Variants in PLG observed in about 807,000 individuals in gnomAD.
PLG encodes the protein plasminogen, also known as plasmin.
A neutral mutation model predicts 104.4 loss-of-function variants in PLG; 41 were observed. The ratio of observed to expected loss-of-function variants is 0.39; its 90% confidence interval spans 0.31 to 0.51. The LOEUF is 0.51. Ranked by LOEUF, PLG falls within the 20% of genes least tolerant of loss-of-function variation. The probability of loss-of-function intolerance (pLI) is 0.76; values close to 1 mark genes in which losing one functional copy is unlikely to be tolerated. For synonymous variants in PLG, 337 were observed against 357.1 expected (o/e 0.94, Z 0.63); for missense variants, 891 against 1,003.6 (o/e 0.89, Z 1.52).
chr6:160,733,399 G>GGGA (rs1778032083), intron 12 of PLG, among the ~76,000 whole-genome samples: 1 of 152,158 alleles, frequency 6.6e-6, no homozygotes, highest in Non-Finnish European at 1.5e-5. Flanking sequence ...GGCTCCTGAA[G>GGGA]GGAGACCCAT....
rs1343377750 is a variant in PLG at position 160,732,932 on chromosome 6, T to A, written c.1587+1039T>A. Among the ~76,000 whole-genome samples the A allele has an allele frequency of 6.6e-6, 1 of 152,124 alleles. No homozygotes were observed. Among genetic ancestry groups the A allele is most frequent in the Non-Finnish European group, 1.5e-5 (1 of 68,016 alleles). On this transcript the variant is annotated intron_variant, in intron 12 of 18. Coordinates refer to ENST00000308192, the MANE Select transcript of PLG (RefSeq NM_000301.5). This position sits in a 1 kb window ranked among gnomAD's most constrained non-coding sequence, Gnocchi z 4.5. Reference sequence around the variant, plus strand: ...CACAGTTGAATACATCGTTGGCCATTGGAGACCAGCTCACCTTCAGCTCCT... The same window carrying A: ...CACAGTTGAATACATCGTTGGCCATAGGAGACCAGCTCACCTTCAGCTCCT...
At chr6:160,750,702 G>A (rs561044627) in intron 17 of PLG, among the ~76,000 whole-genome samples, 15 of 152,286 alleles carry the variant, frequency 9.8e-5, no homozygotes, top group Non-Finnish European at 1.6e-4. Flanking sequence ...TTCTGAACCC[G>A]AGACAATGAT....
intron 9 of PLG, among the ~76,000 whole-genome samples, 169 bp from the exon 10 acceptor site, chr6:160,722,239 T>C (rs186812686): frequency 6.6e-6 from 1 of 152,344 alleles, no homozygotes; most frequent in African/African-American, 2.4e-5. Context: ...AGGAACTTAT[T>C]AATGTTCTAA....
chr6:160,722,588 G>GT (rs1582940133), intron 10 of PLG, 21 bp downstream of exon 10: 1 of 1,608,954 alleles, frequency 6.2e-7, no homozygotes, highest in African/African-American at 1.3e-5. Flanking sequence ...GATTTTTACT[G>GT]TAAGAGGGGC....
At position 160,718,857 on chromosome 6, in the gene PLG, G is replaced by C. The variant is rs773624784; in HGVS notation, c.1096+19G>C. 7 of 1,610,752 alleles carry C rather than the reference G, an allele frequency of 4.3e-6. No individual in the cohort carries two copies. The African/African-American group carries it at 9.4e-5, about 22-fold the overall frequency. The stretch of plus-strand genomic sequence containing the variant: ...CCCACAGGTAAGCAAGGGTATGGGA[G>C]CTTACTGAGGGCCCAAGTTTTCTCC... On this transcript the variant is annotated intron_variant, in intron 9 of 18. Transcript: ENST00000308192.
At chr6:160,709,832 A>G (rs1429409986) in intron 3 of PLG, among the ~76,000 whole-genome samples, 1 of 152,238 alleles carries the variant, frequency 6.6e-6, no homozygotes, top group Admixed American at 6.5e-5. Flanking sequence ...TGTTAGGAGC[A>G]CTTTCCCCAT....
intron 17 of PLG, among the ~76,000 whole-genome samples, chr6:160,746,709 C>T (rs541962030): frequency 6.6e-6 from 1 of 152,280 alleles, no homozygotes; most frequent in East Asian, 1.9e-4. Context: ...TATGGCACTC[C>T]GGCCTTTATG....
In PLG at chr6:160,735,249, C is replaced by T. The variant is rs780749567; in HGVS notation, c.1681+1161C>T. 1.3e-5 allele frequency among the ~76,000 whole-genome samples: 2 copies of T among 152,184 alleles called. No individual in the cohort carries two copies. The highest frequency in any genetic ancestry group is 2.4e-5 in the African/African-American group (1 of 41,448). ...TTCTGGCCCCATCTGGTACACACCA[C>T]TGCCTCTCACTGCCCGGGCTCTCTA... is the stretch of plus-strand genomic sequence containing the variant. On this transcript the variant is annotated intron_variant, in intron 13 of 18. Coordinates refer to ENST00000308192, the MANE Select transcript of PLG (RefSeq NM_000301.5). This position sits in a 1 kb window ranked among gnomAD's most constrained non-coding sequence, Gnocchi z 5.4.
chr6:160,750,677 G>T (rs1363207518), intron 17 of PLG, among the ~76,000 whole-genome samples: 2 of 152,198 alleles, frequency 1.3e-5, no homozygotes, highest in East Asian at 3.8e-4. Context: ...GTAAACTCCA[G>T]ATTCAGTGTC....
Position 160,753,744 on chromosome 6 carries a change from T to C in PLG, c.*683T>C, listed in dbSNP as rs1671423483. On this transcript the variant is annotated 3_prime_UTR_variant, in exon 19 of 19. Coordinates refer to ENST00000308192, the MANE Select transcript of PLG (RefSeq NM_000301.5). This position sits in a 1 kb window ranked among gnomAD's most constrained non-coding sequence, Gnocchi z 5.4. ...GAGTCTAGGATTGGTGCCAAGAGCA[T>C]GTAAATGAACAACAAGCAAATATTG... Among the ~76,000 whole-genome samples, 2 of 152,080 alleles carry C rather than the reference T, an allele frequency of 1.3e-5. No individual in the cohort carries two copies. Among genetic ancestry groups the C allele is most frequent in the African/African-American group, 4.8e-5 (2 of 41,418 alleles).
chr6:160,733,705 G>A (rs559437284), intron 12 of PLG, among the ~76,000 whole-genome samples: 3 of 151,938 alleles, frequency 2.0e-5, no homozygotes, highest in Admixed American at 2.0e-4. Flanking sequence ...TTAGCCAGGT[G>A]TGGTGGCGTG....
intron 10 of PLG, chr6:160,730,818 T>C (rs1358422845): frequency 2.3e-6 from 1 of 441,924 alleles, no homozygotes; most frequent in East Asian, 4.0e-5. Context: ...AGTTTTTATA[T>C]GGAGCATATA....
chr6:160,711,874 A>G, intron 4 of PLG: 2 of 1,382,452 alleles, frequency 1.4e-6, no homozygotes, highest in Non-Finnish European at 9.4e-7. Flanking sequence ...GAAAATGAAG[A>G]TACGTGAAAT....
At position 160,716,642 on chromosome 6, in the gene PLG, C is replaced by G. The variant is rs368764348; in HGVS notation, c.669-3C>G. On this transcript the variant is annotated splice_polypyrimidine_tract_variant and splice_region_variant and intron_variant, in intron 6 of 18. Transcript: ENST00000308192. Reference sequence around the variant, plus strand: ...GCTACTAAAATCTTTCTTGTCCATTCAGATTTCCAAACAAGAACCTGAAGA... The same window carrying G: ...GCTACTAAAATCTTTCTTGTCCATTGAGATTTCCAAACAAGAACCTGAAGA... 184 of 1,545,432 alleles carry G rather than the reference C, an allele frequency of 1.2e-4. No homozygotes were observed. Among genetic ancestry groups the G allele is most frequent in the Non-Finnish European group, 1.5e-4 (172 of 1,117,634 alleles).
chr6:160,748,417 G>GAAAGAAAGAGAAA lies in PLG; in HGVS notation c.2126-3698_2126-3697insAAAGAAAGAGAAA, dbSNP rs1554252983. On this transcript the variant is annotated intron_variant, in intron 17 of 18. Coordinates refer to ENST00000308192, the MANE Select transcript of PLG (RefSeq NM_000301.5). ...GAAAGAAAGGAAGAAAGAAAGAAAG[G>GAAAGAAAGAGAAA]GAAAGAAAGAGAACGAAAGAAAGAA... Among the ~76,000 whole-genome samples, 4 of 62,370 alleles carry GAAAGAAAGAGAAA rather than the reference G, an allele frequency of 6.4e-5. No individual in the cohort carries two copies. In the East Asian group the frequency reaches 2.2e-3, roughly 34 times the overall value. The allele number at this position is 62,370 out of a possible 152,430, so 40.9% of individuals were successfully genotyped here.
rs570966066 is a variant in PLG at position 160,706,638 on chromosome 6, A to G, written c.185+96A>G. On this transcript the variant is annotated intron_variant, in intron 2 of 18. Coordinates refer to ENST00000308192, the MANE Select transcript of PLG (RefSeq NM_000301.5). ...ATTAATGATTTAAGAGGAAAGAGAA[A>G]TTTATGGAGCCAGAGTTTGGAACTA... The G allele has an allele frequency of 2.4e-6, 3 of 1,245,162 alleles. No homozygotes were observed. The African/African-American group carries it at 4.4e-5, about 18-fold the overall frequency. The allele number at this position is 1,245,162 out of a possible 1,614,324, so 77.1% of individuals were successfully genotyped here.
At position 160,740,338 on chromosome 6, in the gene PLG, T is replaced by TC. The variant is rs1394373857; in HGVS notation, c.2019-969dup. 6.6e-6 allele frequency among the ~76,000 whole-genome samples: 1 copy of TC among 152,158 alleles called. No homozygotes were observed. Among genetic ancestry groups the TC allele is most frequent in the African/African-American group, 2.4e-5 (1 of 41,438 alleles). Reference sequence around the variant, plus strand: ...TCCCAGCAAATGTGCAAATAGAAGGTCCCCGTTCCTCATGATCCTCAGAGA... The same window carrying TC: ...TCCCAGCAAATGTGCAAATAGAAGGTCCCCCGTTCCTCATGATCCTCAGAGA... On this transcript the variant is annotated intron_variant, in intron 16 of 18. Transcript: ENST00000308192. This position sits in a 1 kb window ranked among gnomAD's most constrained non-coding sequence, Gnocchi z 5.2.
At chr6:160,721,278 T>C (rs911867526) in intron 9 of PLG, among the ~76,000 whole-genome samples, 1 of 152,216 alleles carries the variant, frequency 6.6e-6, no homozygotes, top group Non-Finnish European at 1.5e-5. Flanking sequence ...TGGTGTGTCT[T>C]ATAATTCTTT....
rs1365457803 is a variant in PLG, at chr6:160,718,647, C to T, written c.951-46C>T. 15 of 1,604,972 alleles carry T rather than the reference C, an allele frequency of 9.3e-6. No individual in the cohort carries two copies. The East Asian group carries it at 1.8e-4, about 19-fold the overall frequency. ...TGTTCTCAAAGCGTGGTTCCCTAGA[C>T]TTTTTTCTTTTTGGAAAGCTAAACT... On this transcript the variant is annotated intron_variant, in intron 8 of 18. Transcript: ENST00000308192.
Sources: allele counts gnomAD v4.1 joint callset (sites outside exome capture counted in the v4.1 genomes callset), GRCh38; gene constraint gnomAD v4.1.1; non-coding constraint Gnocchi (gnomAD v3.1); transcripts MANE v1.5; gene names NCBI Gene and HGNC (gene_info 2026-07-23, HGNC 2026-07-21).